The following SEC61A2 variants were observed in gnomAD, a reference collection of about 807,000 sequenced individuals.
SEC61A2 encodes the protein SEC61 translocon subunit alpha 2.
SEC61A2 carries 28 observed loss-of-function variants against 59.9 expected under a neutral mutation model. That is an observed-to-expected ratio of 0.47 (90% CI 0.35 to 0.64). The LOEUF is 0.64. Ranked by LOEUF, SEC61A2 falls within the 30% of genes least tolerant of loss-of-function variation. The pLI is 0.01. For synonymous variants in SEC61A2, 202 were observed against 214.4 expected, an observed-to-expected ratio of 0.94 and a Z score of 0.50; for missense variants, 340 against 585.9, an observed-to-expected ratio of 0.58 and a Z score of 4.33.
rs1239503829 is a variant in SEC61A2 at position 12,152,747 on chromosome 10, G to A, written c.462+2786G>A. 6.6e-6 allele frequency among the ~76,000 whole-genome samples: 1 copy of A among 152,100 alleles called. No homozygotes were observed. The highest frequency in any genetic ancestry group is 1.5e-5 in the Non-Finnish European group (1 of 68,006). On this transcript the variant is annotated intron_variant, in intron 6 of 11. Coordinates refer to ENST00000298428, the MANE Select transcript of SEC61A2 (RefSeq NM_018144.4). The surrounding 1 kb of genome is among the most constrained non-coding windows in gnomAD (Gnocchi z 5.5). Reference sequence around the variant, plus strand: ...GTCTCTACCAAAAATACAAAAATTAGCAGGGCGTGGTGGCAGGAGCCTGTA... The same window carrying A: ...GTCTCTACCAAAAATACAAAAATTAACAGGGCGTGGTGGCAGGAGCCTGTA...
downstream of SEC61A2, chr10:12,167,454 T>TA (rs948905451): frequency 3.5e-5 from 14 of 396,598 alleles, no homozygotes; most frequent in African/African-American, 2.8e-4. Context: ...TGTTGAGCTT[T>TA]AAAAAAATTG....
rs1329996119 is a variant in SEC61A2, at chr10:12,154,745, G to A, written c.463-1033G>A. 6.6e-6 allele frequency among the ~76,000 whole-genome samples: 1 copy of A among 152,138 alleles called. No individual in the cohort carries two copies. The highest frequency in any genetic ancestry group is 1.5e-5 in the Non-Finnish European group (1 of 68,036). ...CAGTTAAGGAGAAAAACAACACTGT[G>A]TAAGGTAAGCATGCCTAAAATGGTC... is the stretch of plus-strand genomic sequence containing the variant. On this transcript the variant is annotated intron_variant, in intron 6 of 11. Coordinates refer to ENST00000298428, the MANE Select transcript of SEC61A2 (RefSeq NM_018144.4). This position sits in a 1 kb window ranked among gnomAD's most constrained non-coding sequence, Gnocchi z 5.2.
chr10:12,164,157 A>G lies in SEC61A2; in HGVS notation c.1245-111A>G, dbSNP rs997785938. On this transcript the variant is annotated intron_variant, in intron 11 of 11. Transcript: ENST00000298428. This position sits in a 1 kb window ranked among gnomAD's most constrained non-coding sequence, Gnocchi z 7.3. Reference sequence around the variant, plus strand: ...CTGCAGCCTGTTCCCTCTGGAGTTCAGGGAGGCTTTAGACCCAGCTATGGC... The same window carrying G: ...CTGCAGCCTGTTCCCTCTGGAGTTCGGGGAGGCTTTAGACCCAGCTATGGC... The G allele has an allele frequency of 2.4e-6, 3 of 1,243,756 alleles. No individual in the cohort carries two copies. The highest frequency in any genetic ancestry group is 3.3e-6 in the Non-Finnish European group (3 of 896,876). The allele number at this position is 1,243,756 out of a possible 1,614,324, so 77.0% of individuals were successfully genotyped here.
chr10:12,130,142 C>T (rs1055178560), intron 1 of SEC61A2, among the ~76,000 whole-genome samples: 1 of 152,140 alleles, frequency 6.6e-6, no homozygotes, highest in African/African-American at 2.4e-5. Context: ...TTTTTATTCC[C>T]TCGTCATCTT....
chr10:12,169,362 C>A (rs1052473312), downstream of SEC61A2: 5 of 1,414,042 alleles, frequency 3.5e-6, no homozygotes, highest in Non-Finnish European at 3.9e-6. This position sits in a 1 kb window ranked among gnomAD's most constrained non-coding sequence, Gnocchi z 4.8. Flanking sequence ...CACTTGCCTA[C>A]GTCACCCTGC....
intron 4 of SEC61A2, among the ~76,000 whole-genome samples, chr10:12,148,252 T>A (rs1370935594): frequency 1.4e-5 from 2 of 147,632 alleles, no homozygotes; most frequent in East Asian, 4.0e-4. Flanking sequence ...TTTTTTTTTT[T>A]TTTTTTTTTT....
In SEC61A2 at chr10:12,162,378, A is replaced by G. The variant is rs1834551553; in HGVS notation, c.1244+89A>G. 1.7e-6 allele frequency: 2 copies of G among 1,147,902 alleles called. No homozygotes were observed. The highest frequency in any genetic ancestry group is 2.6e-6 in the Non-Finnish European group (2 of 755,116). The allele number at this position is 1,147,902 out of a possible 1,614,324, so 71.1% of individuals were successfully genotyped here. A position where few individuals can be genotyped will look rare whatever the true frequency, so the allele number is the denominator to read the frequency against. The stretch of plus-strand genomic sequence containing the variant: ...TAAATGTTTTTCTTTGTTCAAGTTC[A>G]TATTTAAAACCCTTCTATTCACACA... On this transcript the variant is annotated intron_variant, in intron 11 of 11. Coordinates refer to ENST00000298428, the MANE Select transcript of SEC61A2 (RefSeq NM_018144.4). This position sits in a 1 kb window ranked among gnomAD's most constrained non-coding sequence, Gnocchi z 6.1.
In SEC61A2 at chr10:12,154,156, T is replaced by G. The variant is rs1034366971; in HGVS notation, c.463-1622T>G. Among the ~76,000 whole-genome samples the G allele has an allele frequency of 5.9e-5, 9 of 152,234 alleles. No individual in the cohort carries two copies. Among genetic ancestry groups the G allele is most frequent in the African/African-American group, 2.2e-4 (9 of 41,466 alleles). ...AGTTAGGGTTCTGGTCCCATCACTGTAGACGCTGCTGTCACTTCCTGGGTT... is the reference window on the plus strand; with the variant it reads ...AGTTAGGGTTCTGGTCCCATCACTGGAGACGCTGCTGTCACTTCCTGGGTT... On this transcript the variant is annotated intron_variant, in intron 6 of 11. Transcript: ENST00000298428. The surrounding 1 kb of genome is among the most constrained non-coding windows in gnomAD (Gnocchi z 5.2).
rs1388323061 is a variant in SEC61A2, at chr10:12,152,314, A to G, written c.462+2353A>G. 2.0e-5 allele frequency among the ~76,000 whole-genome samples: 3 copies of G among 151,588 alleles called. No homozygotes were observed. Among genetic ancestry groups the G allele is most frequent in the Non-Finnish European group, 2.9e-5 (2 of 67,904 alleles). Reference sequence around the variant, plus strand: ...AGGCTGGTCTTGAACTTCTGACCTTAGGTGATCCACCCGCCTCGGCCTTCC... The same window carrying G: ...AGGCTGGTCTTGAACTTCTGACCTTGGGTGATCCACCCGCCTCGGCCTTCC... On this transcript the variant is annotated intron_variant, in intron 6 of 11. Coordinates refer to ENST00000298428, the MANE Select transcript of SEC61A2 (RefSeq NM_018144.4). The surrounding 1 kb of genome is among the most constrained non-coding windows in gnomAD (Gnocchi z 5.5).
chr10:12,165,769 G>A (rs1181198942), downstream of SEC61A2: 1 of 152,158 alleles, frequency 6.6e-6, no homozygotes, highest in African/African-American at 2.4e-5. Context: ...TATGTCTTAC[G>A]TAGCTTATGC....
rs1834380430 is a variant in SEC61A2, at chr10:12,155,648, C to T, written c.463-130C>T. On this transcript the variant is annotated intron_variant, in intron 6 of 11. Coordinates refer to ENST00000298428, the MANE Select transcript of SEC61A2 (RefSeq NM_018144.4). The surrounding 1 kb of genome is among the most constrained non-coding windows in gnomAD (Gnocchi z 4.3). ...CAGGCCAAAAGATGCAGTTGGTCAT[C>T]ACAGTGAGATTGCAACGATCAGGCC... 1.9e-6 allele frequency: 2 copies of T among 1,067,088 alleles called. No individual in the cohort carries two copies. The highest frequency in any genetic ancestry group is 4.0e-5 in the Admixed American group (2 of 50,070). 66.1% of individuals were successfully genotyped at this position (1,067,088 alleles called of 1,614,324 possible).
downstream of SEC61A2, chr10:12,167,105 C>CCGTTTT (rs1471797351): frequency 1.9e-5 from 3 of 160,280 alleles, no homozygotes; most frequent in Non-Finnish European, 2.8e-5. Flanking sequence ...ATGGAGTCAA[C>CCGTTTT]CGTTTTCCTT....
chr10:12,162,179 A>T lies in SEC61A2; in HGVS notation c.1168-34A>T. The T allele has an allele frequency of 6.4e-7, 1 of 1,573,482 alleles. No homozygotes were observed. The highest frequency in any genetic ancestry group is 8.7e-7 in the Non-Finnish European group (1 of 1,143,678). ...GTAGATGTAAGCAGTGAAATGTTCCAGTTGGATTTTGAAAGTCGTTTTTCT... is the reference window on the plus strand; with the variant it reads ...GTAGATGTAAGCAGTGAAATGTTCCTGTTGGATTTTGAAAGTCGTTTTTCT... On this transcript the variant is annotated intron_variant, in intron 10 of 11. Coordinates refer to ENST00000298428, the MANE Select transcript of SEC61A2 (RefSeq NM_018144.4). This position sits in a 1 kb window ranked among gnomAD's most constrained non-coding sequence, Gnocchi z 6.1.
In SEC61A2 at chr10:12,155,981, G is replaced by A. The variant is rs768340264; in HGVS notation, c.616+50G>A. The A allele has an allele frequency of 3.1e-6, 5 of 1,602,738 alleles. No homozygotes were observed. Among genetic ancestry groups the A allele is most frequent in the Non-Finnish European group, 3.4e-6 (4 of 1,170,092 alleles). ...GCACGCGTTTTGCTGGATGTGTGCTGGGAACAAACCCATCGTGTCGCAGTA... is the reference window on the plus strand; with the variant it reads ...GCACGCGTTTTGCTGGATGTGTGCTAGGAACAAACCCATCGTGTCGCAGTA... On this transcript the variant is annotated intron_variant, in intron 7 of 11. Coordinates refer to ENST00000298428, the MANE Select transcript of SEC61A2 (RefSeq NM_018144.4). The surrounding 1 kb of genome is among the most constrained non-coding windows in gnomAD (Gnocchi z 4.3).
chr10:12,131,571 T>C (rs1287969754), intron 1 of SEC61A2, among the ~76,000 whole-genome samples: 2 of 152,030 alleles, frequency 1.3e-5, no homozygotes, highest in Non-Finnish European at 2.9e-5. Context: ...TGAAATGTAA[T>C]TGTTAATTCT....
At position 12,153,685 on chromosome 10, in the gene SEC61A2, G is replaced by A; in HGVS notation, c.463-2093G>A. On this transcript the variant is annotated intron_variant, in intron 6 of 11. Transcript: ENST00000298428. The surrounding 1 kb of genome is among the most constrained non-coding windows in gnomAD (Gnocchi z 5.2). Reference sequence around the variant, plus strand: ...TTCTTCTAATGTTAATATATAAAGAGGGGTGTCATGTTTGATTGTAGGTGG... The same window carrying A: ...TTCTTCTAATGTTAATATATAAAGAAGGGTGTCATGTTTGATTGTAGGTGG... The A allele has an allele frequency of 6.3e-7, 1 of 1,588,696 alleles. No homozygotes were observed.
rs1231141316 is a variant in SEC61A2, at chr10:12,129,909, G to T, written c.7+115G>T. 3.1e-6 allele frequency: 3 copies of T among 970,328 alleles called. No homozygotes were observed. Among genetic ancestry groups the T allele is most frequent in the Non-Finnish European group, 4.1e-6 (3 of 731,596 alleles). 60.1% of individuals were successfully genotyped at this position (970,328 alleles called of 1,614,324 possible). A position where few individuals can be genotyped will look rare whatever the true frequency, so the allele number is the denominator to read the frequency against. On this transcript the variant is annotated intron_variant, in intron 1 of 11. Transcript: ENST00000298428. This position sits in a 1 kb window ranked among gnomAD's most constrained non-coding sequence, Gnocchi z 5.6. ...CGTGGGGGCCAGGGATGCGCGGGCC[G>T]CTCCGGGCCTCAGCGGAGGGCACGG... is the stretch of plus-strand genomic sequence containing the variant.
chr10:12,169,553 A>T, downstream of SEC61A2: 1 of 456,398 alleles, frequency 2.2e-6, no homozygotes, highest in Non-Finnish European at 3.9e-6. This position sits in a 1 kb window ranked among gnomAD's most constrained non-coding sequence, Gnocchi z 4.8. Flanking sequence ...CTTTCTCCAA[A>T]TACGCACCAG....
In SEC61A2 at chr10:12,153,865, G is replaced by T. The variant is rs764130742; in HGVS notation, c.463-1913G>T. On this transcript the variant is annotated intron_variant, in intron 6 of 11. Transcript: ENST00000298428. This position sits in a 1 kb window ranked among gnomAD's most constrained non-coding sequence, Gnocchi z 5.2. The stretch of plus-strand genomic sequence containing the variant: ...GTGGAAGGTATTTCTCACCTTATTT[G>T]TTTATGTTTCATTCACGTGGTTAGT... 160 of 1,484,600 alleles carry T rather than the reference G, an allele frequency of 1.1e-4. No individual in the cohort carries two copies. The highest frequency in any genetic ancestry group is 8.8e-4 in the Middle Eastern group (5 of 5,710). 92.0% of individuals were successfully genotyped at this position (1,484,600 alleles called of 1,614,324 possible). A position where few individuals can be genotyped will look rare whatever the true frequency, so the allele number is the denominator to read the frequency against.
Sources: allele counts gnomAD v4.1 joint callset (sites outside exome capture counted in the v4.1 genomes callset), GRCh38; gene constraint gnomAD v4.1.1; non-coding constraint Gnocchi (gnomAD v3.1); transcripts MANE v1.5; gene names NCBI Gene and HGNC (gene_info 2026-07-23, HGNC 2026-07-21).